Variants in ERCC8 observed in about 807,000 individuals in gnomAD.
ERCC8 encodes ERCC excision repair 8, CSA ubiquitin ligase complex subunit.
ERCC8 carries 52 observed loss-of-function variants against 54.9 expected under a neutral mutation model. The ratio of observed to expected loss-of-function variants is 0.95; its 90% CI spans 0.76 to 1.19. The LOEUF is 1.19. Among genes scored for constraint, ERCC8 ranks in the 50% most tolerant of loss-of-function variants. The pLI is 0.00. For synonymous variants in ERCC8, 146 were observed against 157.2 expected (o/e 0.93, Z 0.53); for missense variants, 514 against 466.1 (o/e 1.10, Z -0.95).
intron 1 of ERCC8, among the ~76,000 whole-genome samples, chr5:60,941,868 G>A (rs1204389315): frequency 6.6e-6 from 1 of 152,060 alleles, no homozygotes; most frequent in Non-Finnish European, 1.5e-5. Flanking sequence ...TAAATATAAT[G>A]GCTACTTTTT....
chr5:60,875,901 T>TTA (rs398108984), intron 11 of ERCC8, among the ~76,000 whole-genome samples: 2 of 149,368 alleles, frequency 1.3e-5, no homozygotes, highest in African/African-American at 2.5e-5. Flanking sequence ...TTCTTTTTTT[T>TTA]ATTATACTGT....
chr5:60,918,569 C>A, intron 3 of ERCC8, 181 bp from the exon 4 acceptor site: 4 of 606,250 alleles, frequency 6.6e-6, no homozygotes, highest in Non-Finnish European at 1.2e-5. Flanking sequence ...TAGATTCAGG[C>A]TCCCACTGTG....
At chr5:60,926,719 A>T (rs1283448777) in intron 2 of ERCC8, among the ~76,000 whole-genome samples, 1 of 152,244 alleles carries the variant, frequency 6.6e-6, no homozygotes, top group Non-Finnish European at 1.5e-5. Flanking sequence ...TGTGAGTTAC[A>T]TGTATACTAC....
rs869039109 is a variant in ERCC8 at position 60,904,634 on chromosome 5, GTATATATATATATATA to G, written c.481+142_481+157del. 0.16 allele frequency among the ~76,000 whole-genome samples: 8,059 copies of G among 49,992 alleles called. 476 individuals carry two copies. The highest frequency in any genetic ancestry group is 0.19 in the Non-Finnish European group (5,321 of 28,176). The allele number at this position is 49,992 out of a possible 152,430, so 32.8% of individuals were successfully genotyped here. On this transcript the variant is annotated intron_variant, in intron 5 of 11. Coordinates refer to ENST00000676185, the MANE Select transcript of ERCC8 (RefSeq NM_000082.4). ...TTGAATATATATAGTGTGTGTGTGT[GTATATATATATATATA>G]TATATATATATATATATATATATAT... is the stretch of plus-strand genomic sequence containing the variant.
rs1244917897 is a variant in ERCC8 at position 60,871,283 on chromosome 5, CA to C, written c.*3331del. 6.6e-6 allele frequency among the ~76,000 whole-genome samples: 1 copy of C among 152,052 alleles called. No homozygotes were observed. Among genetic ancestry groups the C allele is most frequent in the African/African-American group, 2.4e-5 (1 of 41,396 alleles). Reference sequence around the variant, plus strand: ...ACAAAATGCAGTATGATGCAGTTAACAAAAAGAATAACTTTGTTATAACAAA... The same window carrying C: ...ACAAAATGCAGTATGATGCAGTTAACAAAAGAATAACTTTGTTATAACAAA... On this transcript the variant is annotated 3_prime_UTR_variant, in exon 12 of 12. Coordinates refer to ENST00000676185, the MANE Select transcript of ERCC8 (RefSeq NM_000082.4).
At chr5:60,937,666 T>C (rs1233571888) in intron 1 of ERCC8, among the ~76,000 whole-genome samples, 1 of 152,058 alleles carries the variant, frequency 6.6e-6, no homozygotes, top group East Asian at 1.9e-4. Context: ...CTACAACAGC[T>C]CTGAGTTTAT....
chr5:60,921,864 C>A (rs535680749), intron 3 of ERCC8, among the ~76,000 whole-genome samples, 190 bp downstream of exon 3: 39 of 151,928 alleles, frequency 2.6e-4, no homozygotes, highest in African/African-American at 9.2e-4. Flanking sequence ...GGGGAAGACA[C>A]ATGTTAAAAA....
chr5:60,902,354 G>A lies in ERCC8; in HGVS notation c.617+88C>T. 15 of 972,050 alleles carry A rather than the reference G, an allele frequency of 1.5e-5. No homozygotes were observed. The South Asian group carries it at 2.2e-4, about 14-fold the overall frequency. The allele number at this position is 972,050 out of a possible 1,614,324, so 60.2% of individuals were successfully genotyped here. On this transcript the variant is annotated intron_variant, in intron 7 of 11. Transcript: ENST00000676185. ...AAGGAGTGAATTAATAATTAAATATGCTAAAATATATACATTACATAAATG... is the reference window on the plus strand; with the variant it reads ...AAGGAGTGAATTAATAATTAAATATACTAAAATATATACATTACATAAATG...
chr5:60,937,369 T>C (rs1750097523), intron 1 of ERCC8, among the ~76,000 whole-genome samples: 1 of 152,146 alleles, frequency 6.6e-6, no homozygotes, highest in African/African-American at 2.4e-5. Flanking sequence ...CAGGAGATTA[T>C]GTCTTTTGTC....
intron 9 of ERCC8, among the ~76,000 whole-genome samples, chr5:60,897,878 T>C (rs1346388655): frequency 2.6e-5 from 4 of 152,248 alleles, no homozygotes; most frequent in African/African-American, 9.6e-5. Flanking sequence ...TGTGTCATGC[T>C]AGCACTCAAA....
At chr5:60,943,330 C>T (rs1750320662) in intron 1 of ERCC8, among the ~76,000 whole-genome samples, 1 of 152,116 alleles carries the variant, frequency 6.6e-6, no homozygotes, top group African/African-American at 2.4e-5. Context: ...TATAAGCAAT[C>T]CTCACTTGGC....
chr5:60,878,770 T>G (rs983559790), intron 11 of ERCC8, among the ~76,000 whole-genome samples: 3 of 152,242 alleles, frequency 2.0e-5, no homozygotes, highest in African/African-American at 7.2e-5. Flanking sequence ...TTCTTCTTTA[T>G]TACTCTTGCT....
chr5:60,931,407 A>C (rs1008637661), intron 1 of ERCC8, among the ~76,000 whole-genome samples: 4 of 152,174 alleles, frequency 2.6e-5, no homozygotes, highest in Non-Finnish European at 5.9e-5. Flanking sequence ...CCTGGGCTTA[A>C]GGGATCCTCT....
intron 3 of ERCC8, among the ~76,000 whole-genome samples, chr5:60,920,163 C>T (rs1170468190): frequency 1.3e-5 from 2 of 151,948 alleles, no homozygotes; most frequent in African/African-American, 4.8e-5. Flanking sequence ...TGACTGTGTT[C>T]TCTATCCTGA....
intron 7 of ERCC8, 33 bp from the exon 8 acceptor site, chr5:60,899,760 T>C: frequency 1.3e-6 from 2 of 1,499,972 alleles, no homozygotes; most frequent in Non-Finnish European, 1.9e-6. Flanking sequence ...TTGACATATG[T>C]AGCTAGGACA....
At chr5:60,941,695 T>C (rs921028904) in intron 1 of ERCC8, among the ~76,000 whole-genome samples, 1 of 152,070 alleles carries the variant, frequency 6.6e-6, no homozygotes, top group African/African-American at 2.4e-5. Flanking sequence ...AAATTACCTA[T>C]AGGAAAACAA....
Position 60,870,089 on chromosome 5 carries a change from C to T in ERCC8, c.*4526G>A, listed in dbSNP as rs575696934. ...TTTCTCCACTATATTTTTGCAAGTG[C>T]TTAACAAAACAAAACAAAACAAAAC... On this transcript the variant is annotated 3_prime_UTR_variant, in exon 12 of 12. Transcript: ENST00000676185. Among the ~76,000 whole-genome samples, 2 of 151,830 alleles carry T rather than the reference C, an allele frequency of 1.3e-5. No homozygotes were observed. The highest frequency in any genetic ancestry group is 2.9e-5 in the Non-Finnish European group (2 of 67,976).
rs573160733 is a variant in ERCC8 at position 60,868,227 on chromosome 5, C to T, written c.*6388G>A. 5.3e-5 allele frequency among the ~76,000 whole-genome samples: 8 copies of T among 152,180 alleles called. No homozygotes were observed. The highest frequency in any genetic ancestry group is 3.8e-4 in the East Asian group (2 of 5,202). On this transcript the variant is annotated 3_prime_UTR_variant, in exon 12 of 12. Transcript: ENST00000676185. ...AACAAACTGTCAAGGCATAAAAACACGAGCAGCTTAATGAACTTAGTCTTA... is the reference window on the plus strand; with the variant it reads ...AACAAACTGTCAAGGCATAAAAACATGAGCAGCTTAATGAACTTAGTCTTA...
intron 8 of ERCC8, among the ~76,000 whole-genome samples, 185 bp downstream of exon 8, chr5:60,899,442 A>G (rs542195582): frequency 6.6e-6 from 1 of 152,192 alleles, no homozygotes; most frequent in Non-Finnish European, 1.5e-5. Flanking sequence ...TTTTATTTGT[A>G]TCTTAAAGAA....
Sources: gnomAD v4.1 joint callset for allele counts (sites outside exome capture counted in the v4.1 genomes callset) on GRCh38, gnomAD v4.1.1 for gene constraint, MANE v1.5 for transcripts, NCBI Gene and HGNC (gene_info 2026-07-23, HGNC 2026-07-21) for gene names.